Variants in AOPEP observed in about 807,000 individuals in gnomAD.
AOPEP encodes the protein aminopeptidase O.
A neutral mutation model predicts 98.1 loss-of-function variants in AOPEP; 77 were observed. The observed-to-expected ratio is 0.78, with a 90% confidence interval of 0.65 to 0.95. The LOEUF (loss-of-function observed/expected upper bound fraction) is 0.95. Ranked by LOEUF, AOPEP falls within the 40% of genes least tolerant of loss-of-function variation. The pLI is 0.00. For missense variants in AOPEP, 1,024 were observed against 1,024.7 expected (o/e 1.00, Z 0.01); for synonymous variants, 346 against 365.3 (o/e 0.95, Z 0.60).
chr9:94,888,788 T>A (rs1419052687), intron 5 of AOPEP, among the ~76,000 whole-genome samples: 1 of 152,190 alleles, frequency 6.6e-6, no homozygotes, highest in Non-Finnish European at 1.5e-5. Context: ...GACTACTATC[T>A]CAGACAACAA....
At chr9:94,816,429 A>G (rs1447839621) in intron 5 of AOPEP, among the ~76,000 whole-genome samples, 4 of 152,218 alleles carry the variant, frequency 2.6e-5, no homozygotes, top group Non-Finnish European at 4.4e-5. Flanking sequence ...TCCTCTAAAA[A>G]TTGGCCCAAC....
At chr9:94,919,913 T>C (rs1417032129) in intron 5 of AOPEP, among the ~76,000 whole-genome samples, 9 of 152,152 alleles carry the variant, frequency 5.9e-5, no homozygotes, top group African/African-American at 1.9e-4. Flanking sequence ...CATGTTGAAA[T>C]TGTGAAAAGC....
intron 13 of AOPEP, among the ~76,000 whole-genome samples, chr9:95,008,160 A>G (rs1045439490): frequency 6.6e-6 from 1 of 152,082 alleles, no homozygotes; most frequent in African/African-American, 2.4e-5. Flanking sequence ...TTGATTGTCT[A>G]CTTTGTTTTC....
At chr9:95,040,957 G>T (rs1161371530) in intron 13 of AOPEP, among the ~76,000 whole-genome samples, 1 of 151,624 alleles carries the variant, frequency 6.6e-6, no homozygotes, top group African/African-American at 2.4e-5. Flanking sequence ...GCCATGGCTG[G>T]TTAATTTTTT....
chr9:94,755,401 A>C (rs1325573592), intron 1 of AOPEP, among the ~76,000 whole-genome samples: 1 of 152,222 alleles, frequency 6.6e-6, no homozygotes, highest in East Asian at 1.9e-4. Context: ...GATTGATGTC[A>C]GTGAGCGTTA....
chr9:94,821,228 C>G (rs1174696357), intron 5 of AOPEP, among the ~76,000 whole-genome samples: 1 of 152,116 alleles, frequency 6.6e-6, no homozygotes, highest in African/African-American at 2.4e-5. Flanking sequence ...ATGACATTAG[C>G]TGGTGTGGGG....
intron 11 of AOPEP, among the ~76,000 whole-genome samples, chr9:94,986,201 C>T (rs1283947835): frequency 6.6e-6 from 1 of 152,138 alleles, no homozygotes; most frequent in Non-Finnish European, 1.5e-5. Context: ...TCATCATGTC[C>T]TCATGTAGTC....
At chr9:94,905,095 T>C (rs978182057) in intron 5 of AOPEP, among the ~76,000 whole-genome samples, 1 of 152,230 alleles carries the variant, frequency 6.6e-6, no homozygotes, top group Non-Finnish European at 1.5e-5. Flanking sequence ...GCATCTTTGT[T>C]CTTTGTACAA....
chr9:94,975,095 G>T (rs926896895), intron 10 of AOPEP, among the ~76,000 whole-genome samples: 5 of 152,154 alleles, frequency 3.3e-5, no homozygotes, highest in Admixed American at 6.5e-5. Flanking sequence ...GTCGGGCGTG[G>T]TGGCACATGC....
At chr9:95,025,576 G>A (rs1020632190) in intron 13 of AOPEP, among the ~76,000 whole-genome samples, 10 of 152,212 alleles carry the variant, frequency 6.6e-5, no homozygotes, top group African/African-American at 2.4e-4. Context: ...AAGAAAGGTC[G>A]TCTTAGATTA....
intron 13 of AOPEP, among the ~76,000 whole-genome samples, chr9:95,053,531 C>G (rs759436832): frequency 1.3e-5 from 2 of 152,158 alleles, no homozygotes; most frequent in Non-Finnish European, 2.9e-5. Flanking sequence ...AAGGTATACT[C>G]ATATGCTGGG....
At chr9:94,998,288 C>T (rs192122134) in intron 11 of AOPEP, among the ~76,000 whole-genome samples, 2 of 151,596 alleles carry the variant, frequency 1.3e-5, no homozygotes, top group East Asian at 1.9e-4. Context: ...AGGGGCCAAG[C>T]GATATGAAAT....
chr9:94,807,837 G>C (rs1849569128), intron 5 of AOPEP, among the ~76,000 whole-genome samples: 1 of 152,140 alleles, frequency 6.6e-6, no homozygotes, highest in African/African-American at 2.4e-5. Context: ...ATTTCTTTTA[G>C]GGAAAACACC....
chr9:95,094,101 GTTTCC>G, the AOPEP span, among the ~76,000 whole-genome samples: 3 of 151,448 alleles, frequency 2.0e-5, no homozygotes, highest in Non-Finnish European at 2.9e-5. Context: ...CTCCCTCTCT[GTTTCC>G]TTTCATTTAT....
chr9:94,961,923 A>C (rs2058868104), intron 9 of AOPEP, among the ~76,000 whole-genome samples: 1 of 152,084 alleles, frequency 6.6e-6, no homozygotes, highest in South Asian at 2.1e-4. Flanking sequence ...GTTTATTCTC[A>C]TATGTATTGG....
At chr9:94,885,651 T>C (rs2048155572) in intron 5 of AOPEP, among the ~76,000 whole-genome samples, 1 of 152,036 alleles carries the variant, frequency 6.6e-6, no homozygotes, top group South Asian at 2.1e-4. Context: ...GAATGTGAAT[T>C]TTGCTGAGTA....
chr9:94,936,845 C>T (rs1183053142), intron 7 of AOPEP, among the ~76,000 whole-genome samples: 1 of 152,164 alleles, frequency 6.6e-6, no homozygotes, highest in Non-Finnish European at 1.5e-5. Flanking sequence ...GAGCAGCTGA[C>T]AGAACTCAGG....
intron 7 of AOPEP, among the ~76,000 whole-genome samples, chr9:94,953,702 C>T (rs953180391): frequency 2.0e-5 from 3 of 152,288 alleles, no homozygotes; most frequent in Admixed American, 2.0e-4. Context: ...TGCACCACCA[C>T]ACTACCTTTT....
At chr9:94,826,190 A>G (rs763560781) in intron 5 of AOPEP, among the ~76,000 whole-genome samples, 17 of 152,192 alleles carry the variant, frequency 1.1e-4, no homozygotes, top group Non-Finnish European at 1.9e-4. Context: ...TGAGCCTCCC[A>G]TAGGACTGCT....
Sources: allele counts gnomAD v4.1 joint callset (sites outside exome capture counted in the v4.1 genomes callset), GRCh38; gene constraint gnomAD v4.1.1; transcripts MANE v1.5; gene names NCBI Gene and HGNC (gene_info 2026-07-23, HGNC 2026-07-21).